Variants in GRID2 observed in about 807,000 individuals in gnomAD.
GRID2 encodes glutamate ionotropic receptor delta type subunit 2, also known as glutamate receptor ionotropic, delta-2.
In GRID2, 33 loss-of-function variants were observed where a neutral mutation model predicts 114.8. The ratio of observed to expected loss-of-function variants is 0.29; its 90% CI spans 0.22 to 0.38. The LOEUF (loss-of-function observed/expected upper bound fraction) is 0.38. Among genes scored for constraint, GRID2 ranks in the 10% least tolerant of loss-of-function variants. GRID2 has a pLI of 1.00. For synonymous variants in GRID2, 505 were observed against 449.9 expected (o/e 1.12, Z -1.55); for missense variants, 1,184 against 1,257.7 (o/e 0.94, Z 0.89).
At chr4:92,358,846 C>T (rs1357174681) in intron 1 of GRID2, among the ~76,000 whole-genome samples, 1 of 151,732 alleles carries the variant, frequency 6.6e-6, no homozygotes, top group Non-Finnish European at 1.5e-5. Context: ...CATATATGTG[C>T]CATTCTCATT....
intron 14 of GRID2, among the ~76,000 whole-genome samples, chr4:93,696,743 A>G (rs956784667): frequency 5.3e-5 from 8 of 152,156 alleles, no homozygotes; most frequent in African/African-American, 1.7e-4. Flanking sequence ...AATTCTCAAT[A>G]ACTTCCAACA....
chr4:93,714,132 C>T (rs1345701150), intron 14 of GRID2, among the ~76,000 whole-genome samples: 1 of 151,994 alleles, frequency 6.6e-6, no homozygotes, highest in African/African-American at 2.4e-5. Context: ...TTGTTCCCCT[C>T]CCTGTGTCCG....
At chr4:92,700,656 G>C (rs542580165) in intron 2 of GRID2, among the ~76,000 whole-genome samples, 1 of 152,288 alleles carries the variant, frequency 6.6e-6, no homozygotes, top group African/African-American at 2.4e-5. Flanking sequence ...TTTTATGGAT[G>C]CGGATGAGGC....
intron 13 of GRID2, among the ~76,000 whole-genome samples, chr4:93,534,741 T>G (rs1230623680): frequency 6.6e-6 from 1 of 152,084 alleles, no homozygotes; most frequent in Admixed American, 6.6e-5. Context: ...GTATATTAAA[T>G]TAACAATTCT....
At chr4:92,911,347 C>T (rs572405303) in intron 2 of GRID2, among the ~76,000 whole-genome samples, 5 of 151,974 alleles carry the variant, frequency 3.3e-5, no homozygotes, top group African/African-American at 7.2e-5. Flanking sequence ...CTTTTCTTTG[C>T]GAAGAATTTA....
chr4:93,791,792 G>A (rs1384395634), intron 1 of GRID2, among the ~76,000 whole-genome samples: 1 of 151,934 alleles, frequency 6.6e-6, no homozygotes, highest in Non-Finnish European at 1.5e-5. Context: ...AGATGGTGGC[G>A]CTGTGGTATC....
At chr4:92,941,955 C>T (rs111840957) in intron 2 of GRID2, among the ~76,000 whole-genome samples, 2 of 152,086 alleles carry the variant, frequency 1.3e-5, no homozygotes, top group Non-Finnish European at 2.9e-5. Context: ...AATTTCTGTT[C>T]TTTTACATTT....
chr4:93,246,582 T>G (rs947717227), intron 8 of GRID2, among the ~76,000 whole-genome samples: 6 of 144,598 alleles, frequency 4.1e-5, no homozygotes, highest in African/African-American at 1.6e-4. Flanking sequence ...GCAAGACTCC[T>G]TCTCAAAAAA....
At chr4:92,411,487 C>A (rs1731297444) in intron 1 of GRID2, among the ~76,000 whole-genome samples, 1 of 151,566 alleles carries the variant, frequency 6.6e-6, no homozygotes, top group Non-Finnish European at 1.5e-5. Context: ...TCATTTCCTA[C>A]AATATTTAAC....
chr4:92,358,352 T>C (rs558200501), intron 1 of GRID2, among the ~76,000 whole-genome samples: 1 of 151,966 alleles, frequency 6.6e-6, no homozygotes, highest in South Asian at 2.1e-4. Flanking sequence ...GAAGAAGAGA[T>C]TGAATATATA....
At chr4:92,634,712 A>C (rs1282769432) in intron 2 of GRID2, among the ~76,000 whole-genome samples, 1 of 151,480 alleles carries the variant, frequency 6.6e-6, no homozygotes, top group African/African-American at 2.4e-5. Context: ...ACTAAATGAC[A>C]GGGAAAATAT....
intron 2 of GRID2, among the ~76,000 whole-genome samples, chr4:92,595,173 T>G (rs1183276776): frequency 2.0e-5 from 3 of 151,972 alleles, no homozygotes; most frequent in East Asian, 1.9e-4. Flanking sequence ...TACTATAAAG[T>G]CACAAATGAT....
chr4:93,012,331 C>T (rs1722263651), intron 2 of GRID2, among the ~76,000 whole-genome samples: 1 of 152,060 alleles, frequency 6.6e-6, no homozygotes, highest in South Asian at 2.1e-4. Context: ...GATTCACATA[C>T]ACACTCACAC....
At chr4:93,808,674 T>C (rs1266549677) in exon 2 of GRID2, 1 of 152,128 alleles carries the variant, frequency 6.6e-6, no homozygotes, top group Non-Finnish European at 1.5e-5. Context: ...ATAGAGACAT[T>C]CCACCATTAA....
intron 1 of GRID2, among the ~76,000 whole-genome samples, chr4:92,434,663 T>A (rs1445447491): frequency 2.6e-5 from 4 of 152,070 alleles, no homozygotes; most frequent in Non-Finnish European, 5.9e-5. Context: ...TTCACATATA[T>A]CAGTTTTGGT....
chr4:92,320,690 C>T (rs1012957282), intron 1 of GRID2, among the ~76,000 whole-genome samples: 6 of 152,118 alleles, frequency 3.9e-5, no homozygotes, highest in African/African-American at 1.4e-4. Flanking sequence ...GTTGGCCAGG[C>T]TGGTTTTGAA....
At chr4:92,657,942 G>A (rs1383610130) in intron 2 of GRID2, among the ~76,000 whole-genome samples, 1 of 124,048 alleles carries the variant, frequency 8.1e-6, no homozygotes, top group African/African-American at 3.1e-5. Context: ...TACAGTGGTA[G>A]GAGAAAGAAG....
chr4:93,727,428 GAT>G (rs1233999936), intron 14 of GRID2, among the ~76,000 whole-genome samples: 2 of 152,166 alleles, frequency 1.3e-5, no homozygotes, highest in African/African-American at 4.8e-5. Flanking sequence ...GTTCATCGAG[GAT>G]ATTGGTCTAA....
intron 2 of GRID2, among the ~76,000 whole-genome samples, chr4:92,593,346 T>C (rs935215532): frequency 6.6e-6 from 1 of 152,026 alleles, no homozygotes. Context: ...TAAGAGCTGG[T>C]TTTTTATTTT....
Sources: allele counts gnomAD v4.1 joint callset (sites outside exome capture counted in the v4.1 genomes callset), GRCh38; gene constraint gnomAD v4.1.1; transcripts MANE v1.5; gene names NCBI Gene and HGNC (gene_info 2026-07-23, HGNC 2026-07-21).